SCN11A: variants seen among roughly 807,000 people sequenced by gnomAD.
SCN11A encodes sodium voltage-gated channel alpha subunit 11, also known as sodium channel protein type 11 subunit alpha.
Under a neutral mutation model 162.2 loss-of-function variants are expected in SCN11A, and 122 were observed. The observed-to-expected ratio is 0.75, with a 90% CI of 0.65 to 0.87. SCN11A has a LOEUF of 0.87. Among genes scored for constraint, SCN11A ranks in the 40% least tolerant of loss-of-function variants. The probability of loss-of-function intolerance (pLI) is 0.00; values close to 1 mark genes in which losing one functional copy is unlikely to be tolerated. For missense variants in SCN11A, 2,015 were observed against 2,181.6 expected (o/e 0.92, Z 1.52); for synonymous variants, 758 against 751.5 (o/e 1.01, Z -0.14).
At chr3:38,852,080 T>A (rs1473709229) in intron 28 of SCN11A, among the ~76,000 whole-genome samples, 6 of 151,758 alleles carry the variant, frequency 4.0e-5, no homozygotes, top group South Asian at 4.2e-4. Context: ...GAGTTTGGAG[T>A]GCAGGTACAG....
At position 38,894,567 on chromosome 3, in the gene SCN11A, G is replaced by A; in HGVS notation, c.2801C>T (p.Ala934Val). The change falls in exon 19 of 30, where the codon GCA (alanine) becomes GTA (valine). Residue 934 changes from alanine to valine, a missense_variant. By Grantham distance (64) the Ala-to-Val change is moderately conservative. Coordinates refer to ENST00000302328, the MANE Select transcript of SCN11A (RefSeq NM_001349253.2). ...DDVEFSGEDN[A>V]QRITQPEPEQ... ...AGGCTCAGGTTGTGTGATGCGCTGT[G>A]CATTATCTTCACCAGAAAATTCAAC... 1.9e-6 allele frequency: 3 copies of A among 1,613,214 alleles called. No individual in the cohort carries two copies. In the South Asian group the frequency reaches 3.3e-5, roughly 18 times the overall value.
chr3:38,873,956 T>C (rs1485044025), intron 23 of SCN11A, among the ~76,000 whole-genome samples: 1 of 152,188 alleles, frequency 6.6e-6, no homozygotes, highest in Non-Finnish European at 1.5e-5. Flanking sequence ...CCTTGGTGAA[T>C]ACCTAGGTTA....
intron 7 of SCN11A, among the ~76,000 whole-genome samples, chr3:38,937,028 A>C (rs1165622526): frequency 2.0e-5 from 3 of 152,188 alleles, no homozygotes; most frequent in Non-Finnish European, 4.4e-5. Context: ...ACAGAGATAT[A>C]GATCAATGGA....
At chr3:39,001,993 C>T (rs9841928) in intron 2 of SCN11A, among the ~76,000 whole-genome samples, 21,186 of 151,812 alleles carry the variant, frequency 0.14, 3,982 homozygotes, top group African/African-American at 0.43. Context: ...GCCTAGATGA[C>T]GCCACTGCAC....
At chr3:38,981,849 C>T (rs2030069543) in intron 2 of SCN11A, among the ~76,000 whole-genome samples, 1 of 151,630 alleles carries the variant, frequency 6.6e-6, no homozygotes, top group Non-Finnish European at 1.5e-5. Flanking sequence ...ATTAAAAATA[C>T]AAAAATTAGC....
chr3:39,006,157 C>CT (rs1463842730), intron 2 of SCN11A, among the ~76,000 whole-genome samples: 1 of 152,162 alleles, frequency 6.6e-6, no homozygotes, highest in Non-Finnish European at 1.5e-5. Context: ...TGTTTTGTCT[C>CT]TAAAAGATTT....
At position 38,950,122 on chromosome 3, in the gene SCN11A, A is replaced by G. The variant is rs1194711317; in HGVS notation, c.241T>C (p.Leu81=). ...TTATGATTTCGGTAGAATGGGTCCA[A>G]GTCTTCCAGAGGCTTTCCTATGAGC... The part of the protein sequence containing the change: ...RELIGKPLED[L]DPFYRNHKTF... Residue 81 remains leucine (L), a synonymous_variant, in exon 5 of 30, where the codon TTG becomes CTG. Coordinates refer to ENST00000302328, the MANE Select transcript of SCN11A (RefSeq NM_001349253.2). The G allele has an allele frequency of 2.1e-6, 3 of 1,417,274 alleles. No individual in the cohort carries two copies. Among genetic ancestry groups the G allele is most frequent in the East Asian group, 3.4e-5 (1 of 29,362 alleles). 87.8% of individuals were successfully genotyped at this position (1,417,274 alleles called of 1,614,324 possible).
intron 28 of SCN11A, among the ~76,000 whole-genome samples, chr3:38,861,919 C>A (rs368335656): frequency 6.6e-6 from 1 of 152,018 alleles, no homozygotes; most frequent in African/African-American, 2.4e-5. Context: ...ATCTTCTGCA[C>A]GGCAAAATAA....
chr3:38,890,742 T>C (rs2065485660), intron 19 of SCN11A, among the ~76,000 whole-genome samples: 2 of 152,352 alleles, frequency 1.3e-5, no homozygotes, highest in South Asian at 4.1e-4. Flanking sequence ...GAGACAAAGA[T>C]AGCCTTGCTG....
At chr3:38,996,948 T>A (rs574069148) in intron 2 of SCN11A, among the ~76,000 whole-genome samples, 2 of 152,288 alleles carry the variant, frequency 1.3e-5, no homozygotes, top group South Asian at 2.1e-4. Flanking sequence ...GCCAATCACA[T>A]CTTACTACTT....
chr3:38,945,486 G>A lies in SCN11A; in HGVS notation c.413C>T (p.Thr138Ile). Residue 138 changes from threonine (T) to isoleucine (I), a missense_variant, in exon 7 of 30, where the codon ACC becomes ATC. Physicochemically the swap from Thr to Ile is moderately conservative, Grantham distance 89. Coordinates refer to ENST00000302328, the MANE Select transcript of SCN11A (RefSeq NM_001349253.2). ...CATGAACACGCAGTTGATGATAACG[G>A]TGCCGATAATGAACATGCTGAACAA... ...HSLFSMFIIGTVIINCVFMAT... is the reference protein window; with the variant it reads ...HSLFSMFIIGIVIINCVFMAT... 1 of 1,587,452 alleles carries A rather than the reference G, an allele frequency of 6.3e-7. No homozygotes were observed. The highest frequency in any genetic ancestry group is 8.6e-7 in the Non-Finnish European group (1 of 1,161,544).
chr3:38,885,283 C>T lies in SCN11A; in HGVS notation c.3064+5G>A. 2 of 1,557,298 alleles carry T rather than the reference C, an allele frequency of 1.3e-6. No homozygotes were observed. The highest frequency in any genetic ancestry group is 1.8e-6 in the Non-Finnish European group (2 of 1,128,252). On this transcript the variant is annotated splice_donor_5th_base_variant and intron_variant, in intron 21 of 29. Coordinates refer to ENST00000302328, the MANE Select transcript of SCN11A (RefSeq NM_001349253.2). Reference sequence around the variant, plus strand: ...TGAACTGGATGCAGAAATACTGCCACTTACCTTTGGGCAAACATCTCTCTG... The same window carrying T: ...TGAACTGGATGCAGAAATACTGCCATTTACCTTTGGGCAAACATCTCTCTG...
chr3:38,980,953 G>A (rs946963623), intron 2 of SCN11A, among the ~76,000 whole-genome samples: 5 of 152,166 alleles, frequency 3.3e-5, no homozygotes, highest in African/African-American at 1.2e-4. Context: ...TGAAATTTCT[G>A]ATACAGTGGA....
chr3:38,870,075 C>G (rs910012316), intron 26 of SCN11A, among the ~76,000 whole-genome samples: 1 of 152,212 alleles, frequency 6.6e-6, no homozygotes, highest in Non-Finnish European at 1.5e-5. Flanking sequence ...CATCTGCTTA[C>G]TCTATGGCTT....
Position 38,847,713 on chromosome 3 carries a change from C to G in SCN11A, c.4357G>C (p.Glu1453Gln). ...STMISTLENQ[E>Q]HIPFPPTLFR... Reference sequence around the variant, plus strand: ...AGCGTCGGAGGGAAAGGAATGTGCTCCTGATTTTCCAAGGTAGAAATCATT... The same window carrying G: ...AGCGTCGGAGGGAAAGGAATGTGCTGCTGATTTTCCAAGGTAGAAATCATT... Residue 1453 changes from glutamate to glutamine, a missense_variant, in exon 30 of 30, where the codon GAG becomes CAG. By Grantham distance (29) the Glu-to-Gln change is conservative. Transcript: ENST00000302328. 1 of 1,603,926 alleles carries G rather than the reference C, an allele frequency of 6.2e-7. No individual in the cohort carries two copies. The highest frequency in any genetic ancestry group is 1.4e-5 in the African/African-American group (1 of 73,568).
At chr3:38,879,307 C>T (rs1459390010) in intron 23 of SCN11A, among the ~76,000 whole-genome samples, 5 of 152,162 alleles carry the variant, frequency 3.3e-5, no homozygotes, top group African/African-American at 9.7e-5. Context: ...AGAGAAAGCA[C>T]TCAATAAATG....
intron 19 of SCN11A, among the ~76,000 whole-genome samples, chr3:38,887,236 T>G (rs778325145): frequency 6.6e-6 from 1 of 152,090 alleles, no homozygotes; most frequent in African/African-American, 2.4e-5. Flanking sequence ...TACTTCAGGC[T>G]GTAGAGTGAC....
intron 3 of SCN11A, among the ~76,000 whole-genome samples, chr3:38,955,178 C>T (rs1006141666): frequency 6.6e-6 from 1 of 152,130 alleles, no homozygotes; most frequent in African/African-American, 2.4e-5. Context: ...ATCCCACCTA[C>T]TCAGGAGGCT....
chr3:38,957,700 C>T lies in SCN11A; in HGVS notation c.-139+2583G>A, dbSNP rs147330087. On this transcript the variant is annotated intron_variant, in intron 3 of 29. Transcript: ENST00000302328. ...CCACTCCTGCCGAATAGACAGAAAG[C>T]AAACACTCACCTAGGAGAGAGGACT... Among the ~76,000 whole-genome samples the T allele has an allele frequency of 1.9e-3, 288 of 152,314 alleles. 1 individual carries two copies. The highest frequency in any genetic ancestry group is 5.9e-3 in the African/African-American group (245 of 41,568).
Sources: allele counts gnomAD v4.1 joint callset (sites outside exome capture counted in the v4.1 genomes callset), GRCh38; gene constraint gnomAD v4.1.1; transcripts MANE v1.5; gene names NCBI Gene and HGNC (gene_info 2026-07-23, HGNC 2026-07-21).